GPN1: variants seen among roughly 807,000 people sequenced by gnomAD.
GPN1 encodes ATP(GTP)-binding protein.
In GPN1, 44 loss-of-function variants were observed where a neutral mutation model predicts 55.9. The observed-to-expected ratio is 0.79, with a 90% CI of 0.62 to 1.01. The LOEUF (loss-of-function observed/expected upper bound fraction) is 1.01. GPN1 is among the 50% of genes least tolerant of loss of function. GPN1 has a pLI of 0.00. For synonymous variants in GPN1, 179 were observed against 162.5 expected (o/e 1.10, Z -0.77); for missense variants, 466 against 462.8 (o/e 1.01, Z -0.06).
chr2:27,642,611 T>C, intron 12 of GPN1, 92 bp downstream of exon 12: 1 of 802,548 alleles, frequency 1.2e-6, no homozygotes, highest in Middle Eastern at 3.0e-4. Context: ...AGTTTCACTC[T>C]TGTTGCCCAG....
At chr2:27,634,537 C>A (rs1185959637) in intron 5 of GPN1, among the ~76,000 whole-genome samples, 1 of 152,198 alleles carries the variant, frequency 6.6e-6, no homozygotes, top group Admixed American at 6.5e-5. Context: ...CAGATGTTTC[C>A]CAAGAGATTT....
At chr2:27,642,618 C>T in intron 12 of GPN1, 99 bp downstream of exon 12, 1 of 765,274 alleles carries the variant, frequency 1.3e-6, no homozygotes, top group Admixed American at 2.2e-5. Flanking sequence ...CTCTTGTTGC[C>T]CAGGCTGGAG....
chr2:27,647,881 G>A lies in GPN1; in HGVS notation c.977G>A (p.Arg326Gln), dbSNP rs563707015. ...CACCCTTCTGATTTGATCCTGACTC[G>A]AGGAACCTTGGATGAAGAGGATGAG... ...VLHPSDLILTRGTLDEEDEEA... is the reference protein window; with the variant it reads ...VLHPSDLILTQGTLDEEDEEA... Residue 326 changes from arginine to glutamine, a missense_variant, in exon 13 of 14, where the codon CGA (arginine) becomes CAA (glutamine). Transcript: ENST00000610189. The A allele has an allele frequency of 9.3e-6, 15 of 1,613,778 alleles. No homozygotes were observed. In the African/African-American group the frequency reaches 9.3e-5, roughly 10 times the overall value.
intron 9 of GPN1, 139 bp downstream of exon 9, chr2:27,639,170 G>T (rs1007705184): frequency 1.3e-5 from 9 of 675,642 alleles, no homozygotes; most frequent in Non-Finnish European, 2.2e-5. Flanking sequence ...ATTAAAAATT[G>T]TGGAGTGTAC....
In GPN1 at chr2:27,643,955, G is replaced by T. The variant is rs558089435; in HGVS notation, c.931+1436G>T. Among the ~76,000 whole-genome samples the T allele has an allele frequency of 3.5e-4, 54 of 152,320 alleles. No individual in the cohort carries two copies. In the South Asian group the frequency reaches 0.011, roughly 32 times the overall value. On this transcript the variant is annotated intron_variant, in intron 12 of 13. Transcript: ENST00000610189. The surrounding 1 kb of genome is among the most constrained non-coding windows in gnomAD (Gnocchi z 4.0). ...GCATTTTGGGAGGCCGAGGCGGGTG[G>T]ATCACTTGAGGTCAGGAATTCGAGA...
At chr2:27,645,466 T>C (rs1674181076) in intron 12 of GPN1, among the ~76,000 whole-genome samples, 1 of 152,084 alleles carries the variant, frequency 6.6e-6, no homozygotes, top group South Asian at 2.1e-4. Context: ...TAAAAAAGCT[T>C]TTTGGTATTT....
At chr2:27,633,199 C>G (rs1383722143) in intron 5 of GPN1, among the ~76,000 whole-genome samples, 1 of 152,204 alleles carries the variant, frequency 6.6e-6, no homozygotes, top group Admixed American at 6.5e-5. Context: ...CCCCGATTCC[C>G]ACTAGAAGTA....
intron 12 of GPN1, 120 bp from the exon 13 acceptor site, chr2:27,647,716 G>A (rs1674306707): frequency 1.6e-6 from 1 of 641,046 alleles, no homozygotes; most frequent in Non-Finnish European, 2.8e-6. Flanking sequence ...GAAGAGGTAA[G>A]ATCCTGCGTT....
At chr2:27,649,613 T>C (rs562741773) in intron 13 of GPN1, among the ~76,000 whole-genome samples, 1 of 152,294 alleles carries the variant, frequency 6.6e-6, no homozygotes, top group African/African-American at 2.4e-5. Flanking sequence ...CAGAATGCCA[T>C]AGAAATAGAA....
rs1297794990 is a variant in GPN1 at position 27,651,184 on chromosome 2, A to C, written c.*984A>C. The C allele has an allele frequency of 6.6e-6, 1 of 152,314 alleles. No individual in the cohort carries two copies. Among genetic ancestry groups the C allele is most frequent in the African/African-American group, 2.4e-5 (1 of 41,436 alleles). 9.4% of individuals were successfully genotyped at this position (152,314 alleles called of 1,614,324 possible). A position where few individuals can be genotyped will look rare whatever the true frequency, so the allele number is the denominator to read the frequency against. On this transcript the variant is annotated 3_prime_UTR_variant, in exon 14 of 14. Coordinates refer to ENST00000610189, the MANE Select transcript of GPN1 (RefSeq NM_007266.4). ...ATCTTAAAACAGTACATTTCTTTCA[A>C]AGAATTTTATCTCTATGAGTCAGTA...
intron 9 of GPN1, 122 bp from the exon 10 acceptor site, chr2:27,639,921 C>A: frequency 1.3e-6 from 1 of 746,202 alleles, no homozygotes; most frequent in Non-Finnish European, 2.3e-6. Flanking sequence ...GGCTTTTTGC[C>A]AAAGACTTCT....
chr2:27,639,907 G>T, intron 9 of GPN1, 136 bp from the exon 10 acceptor site: 1 of 692,898 alleles, frequency 1.4e-6, no homozygotes, highest in Non-Finnish European at 2.6e-6. Flanking sequence ...TTCTTTTTTA[G>T]CCTGGCTTTT....
chr2:27,638,842 T>C (rs1673833158), intron 8 of GPN1, 43 bp from the exon 9 acceptor site: 1 of 1,550,092 alleles, frequency 6.5e-7, no homozygotes, highest in South Asian at 1.2e-5. Flanking sequence ...AATTTTGCGT[T>C]TGTTGGCTCT....
chr2:27,648,717 C>T (rs902644827), intron 13 of GPN1, among the ~76,000 whole-genome samples: 1 of 152,176 alleles, frequency 6.6e-6, no homozygotes, highest in African/African-American at 2.4e-5. Flanking sequence ...CTGACTGCAA[C>T]CGCTGCCTCC....
chr2:27,645,791 G>A (rs762589780), intron 12 of GPN1, among the ~76,000 whole-genome samples: 22 of 151,970 alleles, frequency 1.4e-4, no homozygotes, highest in Non-Finnish European at 2.9e-4. Context: ...GTGCAGTGGT[G>A]TGATCTTGGC....
Position 27,648,983 on chromosome 2 carries a change from G to A in GPN1, c.1039+1040G>A, listed in dbSNP as rs562207056. Among the ~76,000 whole-genome samples the A allele has an allele frequency of 2.9e-4, 44 of 151,064 alleles. No individual in the cohort carries two copies. The South Asian group carries it at 7.7e-3, about 26-fold the overall frequency. ...CCATAGGCCGGGCACGGTGGCTCAC[G>A]TCTGTAATCCCAGCACTTTGAGAGC... On this transcript the variant is annotated intron_variant, in intron 13 of 13. Coordinates refer to ENST00000610189, the MANE Select transcript of GPN1 (RefSeq NM_007266.4).
rs1572950936 is a variant in GPN1, at chr2:27,631,053, G to A, written c.232G>A (p.Glu78Lys). The A allele has an allele frequency of 1.4e-6, 2 of 1,382,776 alleles. No homozygotes were observed. Among genetic ancestry groups the A allele is most frequent in the Non-Finnish European group, 2.1e-6 (2 of 971,120 alleles). The allele number at this position is 1,382,776 out of a possible 1,614,324, so 85.7% of individuals were successfully genotyped here. ...IDIRDTVKYKEVMKQYGLGPN... is the reference protein window; with the variant it reads ...IDIRDTVKYKKVMKQYGLGPN... Reference sequence around the variant, plus strand: ...TATTCGTGATACTGTAAAGTATAAAGAAGTAATGAAACAGTATCCTTTTCC... The same window carrying A: ...TATTCGTGATACTGTAAAGTATAAAAAAGTAATGAAACAGTATCCTTTTCC... Residue 78 changes from glutamate (E) to lysine (K), a missense_variant, in exon 3 of 14, where the codon GAA becomes AAA. By Grantham distance (56) the Glu-to-Lys change is moderately conservative. Coordinates refer to ENST00000610189, the MANE Select transcript of GPN1 (RefSeq NM_007266.4).
At chr2:27,646,214 G>A (rs1217953835) in intron 12 of GPN1, among the ~76,000 whole-genome samples, 2 of 151,970 alleles carry the variant, frequency 1.3e-5, no homozygotes, top group African/African-American at 2.4e-5. Flanking sequence ...GCTAATTTTT[G>A]CATTTTTAGT....
intron 1 of GPN1, 161 bp downstream of exon 1, chr2:27,629,330 G>C (rs1227661744): frequency 2.0e-6 from 3 of 1,510,498 alleles, no homozygotes; most frequent in Non-Finnish European, 2.7e-6. Flanking sequence ...AAGCCTCCTC[G>C]GGCCCTAGCC....
Sources: gnomAD v4.1 joint callset for allele counts (sites outside exome capture counted in the v4.1 genomes callset) on GRCh38, gnomAD v4.1.1 for gene constraint, Gnocchi (gnomAD v3.1) non-coding constraint, MANE v1.5 for transcripts, NCBI Gene and HGNC (gene_info 2026-07-23, HGNC 2026-07-21) for gene names.